SPATA16: variants seen among roughly 807,000 people sequenced by gnomAD.
SPATA16 encodes the protein spermatogenesis associated 16.
SPATA16 carries 36 observed loss-of-function variants against 63.3 expected under a neutral mutation model. The observed-to-expected ratio is 0.57, with a 90% CI of 0.44 to 0.75. The LOEUF is 0.75. Ranked by LOEUF, SPATA16 falls within the 30% of genes least tolerant of loss-of-function variation. SPATA16 has a pLI of 0.00. For missense variants in SPATA16, 646 were observed against 679.3 expected (o/e 0.95, Z 0.54); for synonymous variants, 203 against 216.7 (o/e 0.94, Z 0.56).
intron 2 of SPATA16, among the ~76,000 whole-genome samples, chr3:173,082,199 C>T (rs957780760): frequency 2.0e-5 from 3 of 152,148 alleles, no homozygotes; most frequent in Admixed American, 2.0e-4. Flanking sequence ...GGAAGGCCCA[C>T]ATCCCATATG....
chr3:172,946,672 G>A (rs1377680857), intron 6 of SPATA16, among the ~76,000 whole-genome samples: 2 of 152,176 alleles, frequency 1.3e-5, no homozygotes, highest in Non-Finnish European at 2.9e-5. Context: ...GCTCAGCCAC[G>A]TAGAACATAG....
rs141426215 is a variant in SPATA16 at position 173,033,832 on chromosome 3, G to A, written c.759-14257C>T. ...CGATTCTCCTGCCTCAGCCTCCCAG[G>A]TAGCTGGGACTACAGGTGTGCACCA... is the stretch of plus-strand genomic sequence containing the variant. On this transcript the variant is annotated intron_variant, in intron 3 of 10. Transcript: ENST00000351008. 4.8e-3 allele frequency among the ~76,000 whole-genome samples: 736 copies of A among 152,090 alleles called. 3 individuals are homozygous for A. The highest frequency in any genetic ancestry group is 0.01 in the Middle Eastern group (3 of 292).
At chr3:173,015,405 A>AT (rs1018154491) in intron 4 of SPATA16, among the ~76,000 whole-genome samples, 1 of 152,022 alleles carries the variant, frequency 6.6e-6, no homozygotes, top group African/African-American at 2.4e-5. Context: ...ACTTTGTTGC[A>AT]TTTTTTCTTT....
At chr3:173,070,544 T>C (rs557483345) in intron 2 of SPATA16, among the ~76,000 whole-genome samples, 1 of 152,228 alleles carries the variant, frequency 6.6e-6, no homozygotes, top group South Asian at 2.1e-4. Flanking sequence ...TTGCATGTGA[T>C]ACAATCTTAC....
intron 2 of SPATA16, among the ~76,000 whole-genome samples, chr3:173,071,506 A>G (rs765839497): frequency 4.6e-5 from 7 of 152,180 alleles, no homozygotes; most frequent in Non-Finnish European, 8.8e-5. Flanking sequence ...AAAAAAAGCA[A>G]CAAAGTGAAG....
chr3:173,032,607 C>G (rs761323042), intron 3 of SPATA16, among the ~76,000 whole-genome samples: 2 of 152,024 alleles, frequency 1.3e-5, no homozygotes, highest in African/African-American at 2.4e-5. Context: ...GTTCTTCATC[C>G]AAAGGAGTAT....
chr3:172,980,756 G>C (rs142525262), intron 4 of SPATA16, among the ~76,000 whole-genome samples: 1 of 152,064 alleles, frequency 6.6e-6, no homozygotes, highest in Non-Finnish European at 1.5e-5. Flanking sequence ...AAATGCTGTT[G>C]TTTCTTCCTT....
intron 5 of SPATA16, 151 bp downstream of exon 5, chr3:172,976,817 C>A: frequency 1.5e-6 from 1 of 685,654 alleles, no homozygotes; most frequent in Non-Finnish European, 2.6e-6. Flanking sequence ...AGAAAATCTA[C>A]TTCGTTATGA....
intron 2 of SPATA16, among the ~76,000 whole-genome samples, chr3:173,049,753 G>A (rs1736040197): frequency 6.6e-6 from 1 of 152,050 alleles, no homozygotes; most frequent in South Asian, 2.1e-4. Flanking sequence ...GGAAGTCAGT[G>A]GTTTCTGGGC....
intron 5 of SPATA16, among the ~76,000 whole-genome samples, chr3:172,974,283 T>C (rs74860441): frequency 0.039 from 5,973 of 152,174 alleles, 400 homozygotes; most frequent in African/African-American, 0.14. Context: ...AAGGAAGATA[T>C]ACAGTATAGT....
At position 172,924,248 on chromosome 3, in the gene SPATA16, A is replaced by G. The variant is rs1732677113; in HGVS notation, c.1298T>C (p.Ile433Thr). Residue 433 changes from isoleucine to threonine, a missense_variant, in exon 8 of 11, where the codon ATC becomes ACC. Coordinates refer to ENST00000351008, the MANE Select transcript of SPATA16 (RefSeq NM_031955.6). ...TCTAATAAAATCCAATATTGGCAAG[A>G]TTCGCTTCCCCATTGTCTCCATTTG... ...VRQMETMGKRILPILDFIRST... is the reference protein window; with the variant it reads ...VRQMETMGKRTLPILDFIRST... 1 of 1,613,508 alleles carries G rather than the reference A, an allele frequency of 6.2e-7. No homozygotes were observed.
At chr3:172,981,945 C>G (rs1180869489) in intron 4 of SPATA16, among the ~76,000 whole-genome samples, 2 of 152,118 alleles carry the variant, frequency 1.3e-5, no homozygotes, top group Admixed American at 1.3e-4. Context: ...ACAAAGAAAT[C>G]CTATGTTTCA....
At chr3:172,956,855 C>A in intron 5 of SPATA16, 31 bp from the exon 6 acceptor site, 1 of 1,612,186 alleles carries the variant, frequency 6.2e-7, no homozygotes, top group Non-Finnish European at 8.5e-7. Context: ...CATTTGGCAT[C>A]AATAACAATA....
intron 2 of SPATA16, among the ~76,000 whole-genome samples, chr3:173,099,177 A>G (rs1737430919): frequency 6.6e-6 from 1 of 152,166 alleles, no homozygotes; most frequent in South Asian, 2.1e-4. Context: ...TCACACAAGC[A>G]TTCTTACATC....
chr3:173,017,735 C>T (rs1163380275), intron 4 of SPATA16, among the ~76,000 whole-genome samples: 1 of 152,190 alleles, frequency 6.6e-6, no homozygotes, highest in Non-Finnish European at 1.5e-5. Context: ...TTGTGTCTAG[C>T]CTTCTATTGA....
At chr3:173,088,993 A>T (rs114507969) in intron 2 of SPATA16, among the ~76,000 whole-genome samples, 1 of 152,174 alleles carries the variant, frequency 6.6e-6, no homozygotes, top group Non-Finnish European at 1.5e-5. Flanking sequence ...CCAAGGATGA[A>T]CGGACCACCC....
chr3:172,995,479 C>T (rs1734674483), intron 4 of SPATA16, among the ~76,000 whole-genome samples: 1 of 151,902 alleles, frequency 6.6e-6, no homozygotes. Context: ...AAAAGAATAG[C>T]AGGATAAGCT....
chr3:172,996,601 A>G (rs1734698288), intron 4 of SPATA16, among the ~76,000 whole-genome samples: 1 of 152,124 alleles, frequency 6.6e-6, no homozygotes, highest in Non-Finnish European at 1.5e-5. Flanking sequence ...GACTGTCAAC[A>G]TCCCTCACCA....
intron 5 of SPATA16, among the ~76,000 whole-genome samples, chr3:172,960,856 T>A (rs1344629826): frequency 6.7e-6 from 1 of 148,246 alleles, no homozygotes; most frequent in African/African-American, 2.5e-5. Context: ...GATAGAATTA[T>A]GTAACTTACT....
Sources: allele counts gnomAD v4.1 joint callset (sites outside exome capture counted in the v4.1 genomes callset), GRCh38; gene constraint gnomAD v4.1.1; transcripts MANE v1.5; gene names NCBI Gene and HGNC (gene_info 2026-07-23, HGNC 2026-07-21).